The following RNF213 variants were observed in gnomAD, a reference collection of about 807,000 sequenced individuals.
RNF213 encodes the protein ring finger protein 213.
In RNF213, 341 loss-of-function variants were observed where a neutral mutation model predicts 514.4. The ratio of observed to expected loss-of-function variants is 0.66; its 90% CI spans 0.61 to 0.73. The LOEUF is 0.73. Among genes scored for constraint, RNF213 ranks in the 30% least tolerant of loss-of-function variants. RNF213 has a pLI of 0.00. For missense variants in RNF213, 5,767 were observed against 6,615.6 expected, an observed-to-expected ratio of 0.87 and a Z score of 4.45; for synonymous variants, 2,655 against 2,658.2, an observed-to-expected ratio of 1.00 and a Z score of 0.04.
In RNF213 at chr17:80,349,761, A is replaced by G. The variant is rs575730376; in HGVS notation, c.9952-9A>G. The stretch of plus-strand genomic sequence containing the variant: ...TCTGGCAAGTAATTTGCATTTCTTA[A>G]CTCTGTAGATCACCACTTTCTCCAG... On this transcript the variant is annotated splice_polypyrimidine_tract_variant and intron_variant, in intron 29 of 67. Transcript: ENST00000582970. The G allele has an allele frequency of 2.7e-5, 43 of 1,613,890 alleles. No individual in the cohort carries two copies. Among genetic ancestry groups the G allele is most frequent in the Non-Finnish European group, 3.0e-5 (35 of 1,179,980 alleles).
chr17:80,327,139 T>G (rs2046300900), intron 18 of RNF213, among the ~76,000 whole-genome samples: 1 of 152,216 alleles, frequency 6.6e-6, no homozygotes, highest in South Asian at 2.1e-4. Flanking sequence ...CTGGTGCAGT[T>G]TCTTCTGTTG....
chr17:80,306,466 C>A lies in RNF213; in HGVS notation c.2425C>A (p.Gln809Lys). The A allele has an allele frequency of 6.2e-7, 1 of 1,613,942 alleles. No homozygotes were observed. The highest frequency in any genetic ancestry group is 8.5e-7 in the Non-Finnish European group (1 of 1,179,928). ...LPGLEQVLNT[Q>K]DVQDVQNVQN... ...GGGACTTGAGCAAGTCTTGAATACG[C>A]AGGTTTGTGTCTGAAGTCGGCTCTG... Residue 809 changes from glutamine (Q) to lysine (K), a missense_variant and splice_region_variant, in exon 12 of 68, where the codon CAG becomes AAG. Physicochemically the swap from Gln to Lys is moderately conservative, Grantham distance 53 (BLOSUM62 1). This residue lies in a region of RNF213 where 592 missense variants were observed against 673.9 expected (regional missense o/e 0.88). Transcript: ENST00000582970.
Position 80,395,936 on chromosome 17 carries a change from T to A in RNF213, c.*2438T>A, listed in dbSNP as rs575219765. ...AGTTCCCGTTTCCGCCATGGATGCC[T>A]CATCACCAACCCTGACCTTCCCCCT... On this transcript the variant is annotated 3_prime_UTR_variant, in exon 68 of 68. Coordinates refer to ENST00000582970, the MANE Select transcript of RNF213 (RefSeq NM_001256071.3). The A allele has an allele frequency of 1.3e-5, 2 of 152,590 alleles. No individual in the cohort carries two copies. Among genetic ancestry groups the A allele is most frequent in the African/African-American group, 4.8e-5 (2 of 41,558 alleles). The allele number at this position is 152,590 out of a possible 1,614,324, so 9.5% of individuals were successfully genotyped here.
intron 36 of RNF213, chr17:80,354,818 TAAAAAA>T (rs377196511): frequency 0.023 from 13,111 of 561,330 alleles, 303 homozygotes; most frequent in Non-Finnish European, 0.026. Context: ...ACTAAAAACT[TAAAAAA>T]AGTAAAACAT....
chr17:80,320,473 C>T (rs973389766), intron 17 of RNF213: 1 of 152,220 alleles, frequency 6.6e-6, no homozygotes, highest in Non-Finnish European at 1.5e-5. Flanking sequence ...CTGCCTCAGC[C>T]TCCCAAGTGC....
At chr17:80,273,187 T>G in intron 2 of RNF213, 54 bp from the exon 3 acceptor site, 2 of 1,608,764 alleles carry the variant, frequency 1.2e-6, no homozygotes, top group Non-Finnish European at 1.7e-6. Context: ...TGTTTTTCCT[T>G]CCTAACACTC....
At chr17:80,331,925 A>G in intron 20 of RNF213, 81 bp from the exon 21 acceptor site, 1 of 1,449,126 alleles carries the variant, frequency 6.9e-7, no homozygotes, top group Non-Finnish European at 9.1e-7. Context: ...AGAAGTGAGG[A>G]GAGAAAGTCT....
At chr17:80,370,105 G>T (rs886274527) in intron 46 of RNF213, among the ~76,000 whole-genome samples, 3 of 152,208 alleles carry the variant, frequency 2.0e-5, no homozygotes, top group Non-Finnish European at 4.4e-5. Context: ...CAACAGTGCC[G>T]TGAAGGGACC....
rs142055624 is a variant in RNF213, at chr17:80,376,472, G to A, written c.13357G>A (p.Val4453Ile). ...AGAAATGGCCATTCATGCTGCAGCC[G>A]TCCTTCTGTGTGGACAGAATGAACT... ...VTEMAIHAAA[V>I]LLCGQNELLE... The change falls in exon 52 of 68, where the codon GTC becomes ATC. Residue 4453 changes from valine to isoleucine, a missense_variant. Val to Ile is a conservative substitution (Grantham distance 29, BLOSUM62 3). This residue lies in a region of RNF213 where 1,245 missense variants were observed against 1,339.0 expected (regional missense o/e 0.93). Coordinates refer to ENST00000582970, the MANE Select transcript of RNF213 (RefSeq NM_001256071.3). 690 of 1,614,162 alleles carry A rather than the reference G, an allele frequency of 4.3e-4. No individual in the cohort carries two copies. Among genetic ancestry groups the A allele is most frequent in the African/African-American group, 1.8e-3 (133 of 75,056 alleles).
At position 80,372,681 on chromosome 17, in the gene RNF213, G is replaced by A. The variant is rs1193186378; in HGVS notation, c.12698G>A (p.Arg4233His). 22 of 1,613,870 alleles carry A rather than the reference G, an allele frequency of 1.4e-5. No homozygotes were observed. The highest frequency in any genetic ancestry group is 2.7e-5 in the African/African-American group (2 of 74,908). ...TACCTGCAAGAGGTGGCCCGGATCCGCCTCTGCCTCGACAGAGCTGCAGAT... is the reference window on the plus strand; with the variant it reads ...TACCTGCAAGAGGTGGCCCGGATCCACCTCTGCCTCGACAGAGCTGCAGAT... ...VEYLQEVARIRLCLDRAADFL... is the reference protein window; with the variant it reads ...VEYLQEVARIHLCLDRAADFL... Residue 4233 changes from arginine (R) to histidine (H), a missense_variant, in exon 48 of 68, where the codon CGC becomes CAC. Transcript: ENST00000582970.
chr17:80,352,751 T>A (rs2078574370), intron 32 of RNF213, 189 bp from the exon 33 acceptor site: 1 of 797,996 alleles, frequency 1.3e-6, no homozygotes, highest in Admixed American at 1.8e-5. Flanking sequence ...GGGCATAGAA[T>A]CGGGTCGTGT....
At chr17:80,364,729 TTTAA>T (rs1411246702) in intron 42 of RNF213, 176 bp downstream of exon 42, 7 of 703,152 alleles carry the variant, frequency 1.0e-5, no homozygotes, top group Admixed American at 7.0e-5. Context: ...TGTTTAATTG[TTTAA>T]TTATTTACCC....
chr17:80,324,173 C>T (rs1027868780), intron 17 of RNF213, among the ~76,000 whole-genome samples: 1 of 152,154 alleles, frequency 6.6e-6, no homozygotes, highest in Non-Finnish European at 1.5e-5. Context: ...TTGTTCTGAT[C>T]TTAAGAGAAG....
At chr17:80,363,567 G>A (rs967684236) in intron 40 of RNF213, 42 bp from the exon 41 acceptor site, 4 of 1,608,628 alleles carry the variant, frequency 2.5e-6, no homozygotes, top group Non-Finnish European at 3.4e-6. Flanking sequence ...GGGCCGGTGG[G>A]AGGGGCACCG....
Position 80,383,947 on chromosome 17 carries a change from G to A in RNF213, c.14322+19G>A. 6.2e-7 allele frequency: 1 copy of A among 1,614,112 alleles called. No individual in the cohort carries two copies. Among genetic ancestry groups the A allele is most frequent in the Non-Finnish European group, 8.5e-7 (1 of 1,180,020 alleles). On this transcript the variant is annotated intron_variant, in intron 59 of 67. Coordinates refer to ENST00000582970, the MANE Select transcript of RNF213 (RefSeq NM_001256071.3). ...GCAGAAGGTATGTCTGGCTTACTGT[G>A]GCTCCCTCCCTCTTTCGGTGCAGAG...
intron 46 of RNF213, among the ~76,000 whole-genome samples, chr17:80,370,468 T>C (rs1300582600): frequency 6.6e-6 from 1 of 152,208 alleles, no homozygotes; most frequent in Admixed American, 6.5e-5. Flanking sequence ...ATGTTGATAC[T>C]TATGATGATG....
At position 80,388,659 on chromosome 17, in the gene RNF213, C is replaced by G; in HGVS notation, c.14970C>G (p.Leu4990=). 6.2e-7 allele frequency: 1 copy of G among 1,612,710 alleles called. No homozygotes were observed. The highest frequency in any genetic ancestry group is 8.5e-7 in the Non-Finnish European group (1 of 1,179,200). The change falls in exon 64 of 68, where the codon CTC becomes CTG. Residue 4990 remains leucine, a synonymous_variant. Coordinates refer to ENST00000582970, the MANE Select transcript of RNF213 (RefSeq NM_001256071.3). Reference sequence around the variant, plus strand: ...GACACGACTGGAACTATGAACATCTCTTTATGGACATCAAGAACAAAATGG... The same window carrying G: ...GACACGACTGGAACTATGAACATCTGTTTATGGACATCAAGAACAAAATGG... The part of the protein sequence containing the change: ...VYRHDWNYEH[L]FMDIKNKMAQ...
chr17:80,357,497 T>C (rs1452096900), intron 36 of RNF213, among the ~76,000 whole-genome samples: 1 of 152,190 alleles, frequency 6.6e-6, no homozygotes, highest in Non-Finnish European at 1.5e-5. Context: ...ACATGTGCCT[T>C]CTTGTTTAGT....
intron 11 of RNF213, among the ~76,000 whole-genome samples, chr17:80,302,731 G>A (rs978692985): frequency 6.6e-6 from 1 of 152,132 alleles, no homozygotes; most frequent in Admixed American, 6.6e-5. Context: ...ATGGTGGGGT[G>A]TACCTGCAGT....
Sources: gnomAD v4.1 joint callset for allele counts (sites outside exome capture counted in the v4.1 genomes callset) on GRCh38, gnomAD v4.1.1 for gene constraint, gnomAD v4.1.1 regional missense constraint, MANE v1.5 for transcripts, NCBI Gene and HGNC (gene_info 2026-07-23, HGNC 2026-07-21) for gene names.